Variants in SPG21 observed in about 807,000 individuals in gnomAD.
SPG21 encodes the protein SPG21 abhydrolase domain containing, maspardin, also known as maspardin.
A neutral mutation model predicts 38.9 loss-of-function variants in SPG21; 26 were observed. The observed-to-expected ratio is 0.67, with a 90% CI of 0.49 to 0.93. The LOEUF (loss-of-function observed/expected upper bound fraction) is 0.93, where lower values mean the gene tolerates loss of function less well. Ranked by LOEUF, SPG21 falls within the 40% of genes least tolerant of loss-of-function variation. The pLI is 0.00. For synonymous variants in SPG21, 136 were observed against 128.9 expected (o/e 1.05, Z -0.37); for missense variants, 333 against 376.5 (o/e 0.88, Z 0.96).
chr15:64,966,356 C>T (rs1260807208), intron 7 of SPG21, among the ~76,000 whole-genome samples: 1 of 152,092 alleles, frequency 6.6e-6, no homozygotes, highest in Non-Finnish European at 1.5e-5. Flanking sequence ...ACTAAATATA[C>T]CATACCAAAT....
intron 7 of SPG21, among the ~76,000 whole-genome samples, chr15:64,968,833 TTGA>T (rs2085602105): frequency 6.6e-6 from 1 of 152,184 alleles, no homozygotes; most frequent in Non-Finnish European, 1.5e-5. Flanking sequence ...GCAATATCTA[TTGA>T]TGAGAACAGC....
chr15:64,973,610 C>T (rs1329301577), intron 5 of SPG21, among the ~76,000 whole-genome samples: 2 of 152,120 alleles, frequency 1.3e-5, no homozygotes, highest in Non-Finnish European at 1.5e-5. Flanking sequence ...TGCCACCTTG[C>T]CCAGCTAATT....
At chr15:64,986,412 G>A (rs970987347) in intron 1 of SPG21, among the ~76,000 whole-genome samples, 2 of 147,026 alleles carry the variant, frequency 1.4e-5, no homozygotes, top group Non-Finnish European at 1.5e-5. Context: ...TTTGCCAGGC[G>A]CGGCGGCTCA....
At position 64,964,797 on chromosome 15, in the gene SPG21, A is replaced by AT. The variant is rs200108829; in HGVS notation, c.810+522dup. Among the ~76,000 whole-genome samples the AT allele has an allele frequency of 7.8e-3, 1,180 of 151,510 alleles. 52 individuals carry two copies. The South Asian group carries it at 0.12, about 16-fold the overall frequency. On this transcript the variant is annotated intron_variant, in intron 8 of 8. Coordinates refer to ENST00000204566, the MANE Select transcript of SPG21 (RefSeq NM_016630.7). Reference sequence around the variant, plus strand: ...AGGTGTGCACCACCACGTCCAGCTAATTTTTTTTGTATTTTTAGTAGAGAC... The same window carrying AT: ...AGGTGTGCACCACCACGTCCAGCTAATTTTTTTTTGTATTTTTAGTAGAGAC...
rs34703670 is a variant in SPG21 at position 64,981,289 on chromosome 15, C to CTTT, written c.64-267_64-265dup. 2.0e-3 allele frequency: 566 copies of CTTT among 280,686 alleles called. 2 individuals are homozygous for CTTT. Among genetic ancestry groups the CTTT allele is most frequent in the Middle Eastern group, 3.9e-3 (3 of 774 alleles). 17.4% of individuals were successfully genotyped at this position (280,686 alleles called of 1,614,324 possible). On this transcript the variant is annotated intron_variant, in intron 2 of 8. Transcript: ENST00000204566. ...GCTTCTCTGTTTCTTCCCCCTCCTCCTTTTTTTTTTTTTTTTTTGAGACAG... is the reference window on the plus strand; with the variant it reads ...GCTTCTCTGTTTCTTCCCCCTCCTCCTTTTTTTTTTTTTTTTTTTTTGAGACAG...
chr15:64,979,715 G>A (rs562281606), intron 3 of SPG21, among the ~76,000 whole-genome samples: 4 of 151,834 alleles, frequency 2.6e-5, no homozygotes, highest in Non-Finnish European at 5.9e-5. Flanking sequence ...TAAATAAAAC[G>A]TACACTAACA....
At chr15:64,973,680 C>T (rs189793091) in intron 5 of SPG21, among the ~76,000 whole-genome samples, 2 of 152,272 alleles carry the variant, frequency 1.3e-5, no homozygotes, top group African/African-American at 4.8e-5. Context: ...AACTCCCGAC[C>T]TCAGGTGATC....
chr15:64,973,674 C>G (rs2085717181), intron 5 of SPG21, among the ~76,000 whole-genome samples: 1 of 152,174 alleles, frequency 6.6e-6, no homozygotes, highest in South Asian at 2.1e-4. Flanking sequence ...GTCTCGAACT[C>G]CCGACCTCAG....
At chr15:64,966,493 G>A (rs17229765) in intron 7 of SPG21, among the ~76,000 whole-genome samples, 51,492 of 152,090 alleles carry the variant, frequency 0.34, 10,126 homozygotes, top group South Asian at 0.5. Context: ...CCATTGAAAA[G>A]CTTGTTCTAT....
In SPG21 at chr15:64,963,651, C is replaced by G; in HGVS notation, c.896G>C (p.Gly299Ala). Residue 299 changes from glycine (G) to alanine (A), a missense_variant, in exon 9 of 9, where the codon GGC (glycine) becomes GCC (alanine). Physicochemically the swap from Gly to Ala is moderately conservative, Grantham distance 60. Transcript: ENST00000204566. ...CTCCTCCTGGCTGATGCCAAGGCTG[C>G]CTTTCTGCACCTCAAGCTCCTCGGC... The part of the protein sequence containing the change: ...VSAEELEVQK[G>A]SLGISQEEQ 2 of 1,614,128 alleles carry G rather than the reference C, an allele frequency of 1.2e-6. No homozygotes were observed. The highest frequency in any genetic ancestry group is 1.7e-6 in the Non-Finnish European group (2 of 1,180,028).
intron 3 of SPG21, among the ~76,000 whole-genome samples, chr15:64,978,081 T>G (rs1208099453): frequency 6.7e-6 from 1 of 150,358 alleles, no homozygotes; most frequent in African/African-American, 2.4e-5. Flanking sequence ...TCCGCCTGCC[T>G]CGGCCTCCCA....
chr15:64,965,428 A>T lies in SPG21; in HGVS notation c.702T>A (p.Ala234=). ...VFDQSALSTE[A]KEEMYKLYPN... is the part of the protein sequence containing the mutation. ...GATACAGCTTGTACATTTCTTCTTT[A>T]GCTTCAGTTGAAAGCGCACTCTGAT... Residue 234 remains alanine (A), a synonymous_variant, in exon 8 of 9, where the codon GCT becomes GCA. Coordinates refer to ENST00000204566, the MANE Select transcript of SPG21 (RefSeq NM_016630.7). 2 of 1,614,206 alleles carry T rather than the reference A, an allele frequency of 1.2e-6. No individual in the cohort carries two copies. The highest frequency in any genetic ancestry group is 1.7e-6 in the Non-Finnish European group (2 of 1,180,036).
intron 5 of SPG21, among the ~76,000 whole-genome samples, chr15:64,970,813 G>A (rs1368851730): frequency 6.6e-6 from 1 of 152,098 alleles, no homozygotes; most frequent in Non-Finnish European, 1.5e-5. Context: ...GATCTCGGCT[G>A]GGTGCAACCT....
chr15:64,986,310 G>A lies in SPG21; in HGVS notation c.-24-2717C>T, dbSNP rs145061084. Among the ~76,000 whole-genome samples, 301 of 152,292 alleles carry A rather than the reference G, an allele frequency of 2.0e-3. 1 individual carries two copies. Among genetic ancestry groups the A allele is most frequent in the African/African-American group, 7.0e-3 (291 of 41,556 alleles). On this transcript the variant is annotated intron_variant, in intron 1 of 8. Transcript: ENST00000204566. ...GAACCCGGGAGGCAGAGGTTGCGGT[G>A]AGCCAAGATTGTGCCACTGCACTCC...
rs2085870820 is a variant in SPG21 at position 64,980,860 on chromosome 15, T to A, written c.225+4A>T. The A allele has an allele frequency of 6.2e-7, 1 of 1,611,786 alleles. No homozygotes were observed. Among genetic ancestry groups the A allele is most frequent in the Non-Finnish European group, 8.5e-7 (1 of 1,179,700 alleles). On this transcript the variant is annotated splice_donor_region_variant and intron_variant, in intron 3 of 8. Coordinates refer to ENST00000204566, the MANE Select transcript of SPG21 (RefSeq NM_016630.7). Reference sequence around the variant, plus strand: ...GGGTCTGAATTTTAATCAGTAATACTTACAGCGATAACCCGGTAACCCCAT... The same window carrying A: ...GGGTCTGAATTTTAATCAGTAATACATACAGCGATAACCCGGTAACCCCAT...
rs2085492845 is a variant in SPG21, at chr15:64,963,728, CA to C, written c.818del (p.Leu273CysfsTer53). The C allele has an allele frequency of 6.2e-7, 1 of 1,613,444 alleles. No homozygotes were observed. Among genetic ancestry groups the C allele is most frequent in the Admixed American group, 1.7e-5 (1 of 59,978 alleles). On this transcript the variant is annotated frameshift_variant, in exon 9 of 9. Transcript: ENST00000204566. LOFTEE classifies it high-confidence loss of function. The stretch of plus-strand genomic sequence containing the variant: ...CGTATTTGGTTCCATGGAATTGCAG[CA>C]AATGTATCTGTTGAAATGCAGAATC... ...AEVNLYVQIHLLQFHGTKYAA... is the reference protein window; with the variant it reads ...AEVNLYVQIHXLQFHGTKYAA...
At chr15:64,965,782 A>G (rs1327164003) in intron 7 of SPG21, among the ~76,000 whole-genome samples, 1 of 148,600 alleles carries the variant, frequency 6.7e-6, no homozygotes, top group African/African-American at 2.5e-5. Context: ...GCTCACTGCA[A>G]TCTCCACCTC....
chr15:64,973,654 G>A (rs1312228663), intron 5 of SPG21, among the ~76,000 whole-genome samples: 1 of 152,112 alleles, frequency 6.6e-6, no homozygotes, highest in East Asian at 1.9e-4. Flanking sequence ...TCTCCACGTT[G>A]GTCAGGCTGG....
chr15:64,978,593 G>A (rs1418280511), intron 3 of SPG21, among the ~76,000 whole-genome samples: 1 of 152,170 alleles, frequency 6.6e-6, no homozygotes, highest in Non-Finnish European at 1.5e-5. Flanking sequence ...TAGATTTGAT[G>A]TATGACTTTC....
Sources: allele counts gnomAD v4.1 joint callset (sites outside exome capture counted in the v4.1 genomes callset), GRCh38; gene constraint gnomAD v4.1.1; transcripts MANE v1.5; gene names NCBI Gene and HGNC (gene_info 2026-07-23, HGNC 2026-07-21).